Variants in DIAPH2 observed in about 807,000 individuals in gnomAD.
DIAPH2 encodes the protein protein diaphanous homolog 2.
In DIAPH2, 35 loss-of-function variants were observed where a neutral mutation model predicts 92.7. The observed-to-expected ratio is 0.38, with a 90% CI of 0.29 to 0.50. The LOEUF is 0.50. DIAPH2 is among the 20% of genes least tolerant of loss of function. DIAPH2 has a pLI of 0.94. For missense variants in DIAPH2, 701 were observed against 819.5 expected, an observed-to-expected ratio of 0.86 and a Z score of 1.77; for synonymous variants, 301 against 280.4, an observed-to-expected ratio of 1.07 and a Z score of -0.73.
rs776954997 is a variant in DIAPH2 at position 97,168,598 on chromosome X, T to C, written c.2719+26804T>C. 1.1e-4 allele frequency among the ~76,000 whole-genome samples: 12 copies of C among 111,757 alleles called. No individual in the cohort carries two copies. The South Asian group carries it at 4.6e-3, about 43-fold the overall frequency. On this transcript the variant is annotated intron_variant, in intron 22 of 26. Transcript: ENST00000324765. Reference sequence around the variant, plus strand: ...ATACATTTAAAAAAAAACCCTAGACTCTTAGAGCTTACATTCTCGAAGTGG... The same window carrying C: ...ATACATTTAAAAAAAAACCCTAGACCCTTAGAGCTTACATTCTCGAAGTGG...
chrX:97,155,075 TA>T (rs1440119821), intron 22 of DIAPH2, among the ~76,000 whole-genome samples: 3 of 112,172 alleles, frequency 2.7e-5, no homozygotes, highest in Non-Finnish European at 5.6e-5. Context: ...TGGTAAAGGT[TA>T]AAAAAATCAA....
At chrX:97,185,409 A>ATATATG (rs1569323154) in intron 22 of DIAPH2, among the ~76,000 whole-genome samples, 1 of 36,068 alleles carries the variant, frequency 2.8e-5, no homozygotes, top group African/African-American at 1.8e-4. Flanking sequence ...ATATATATAT[A>ATATATG]TGTATATATA....
intron 26 of DIAPH2, among the ~76,000 whole-genome samples, chrX:97,436,568 G>A (rs1188746512): frequency 4.5e-5 from 5 of 111,626 alleles, no homozygotes; most frequent in African/African-American, 1.6e-4. Context: ...AGAAACCTCC[G>A]TATGTATTAG....
intron 26 of DIAPH2, among the ~76,000 whole-genome samples, chrX:97,570,075 AATATAT>A (rs1164491863): frequency 0.095 from 1,142 of 12,040 alleles, 95 homozygotes; most frequent in South Asian, 0.23. Context: ...AAGGCCTTCT[AATATAT>A]ATATATATAT....
At chrX:97,472,349 A>G (rs1024118356) in intron 26 of DIAPH2, among the ~76,000 whole-genome samples, 2 of 112,590 alleles carry the variant, frequency 1.8e-5, no homozygotes, top group Admixed American at 9.4e-5. Flanking sequence ...GTGTATGCAC[A>G]TTGTTAGGAC....
At chrX:97,514,753 G>C (rs2070928178) in intron 26 of DIAPH2, among the ~76,000 whole-genome samples, 1 of 108,089 alleles carries the variant, frequency 9.3e-6, no homozygotes, top group Non-Finnish European at 1.9e-5. Context: ...CTGCAGGTCT[G>C]TTGGAGTACC....
chrX:97,443,121 G>A (rs182291692), intron 26 of DIAPH2, among the ~76,000 whole-genome samples: 2 of 111,025 alleles, frequency 1.8e-5, no homozygotes, highest in Admixed American at 9.6e-5. Context: ...TGCTGGTCTC[G>A]AACTCCTGGG....
At chrX:96,689,978 T>G (rs2063790781) in intron 1 of DIAPH2, among the ~76,000 whole-genome samples, 1 of 108,366 alleles carries the variant, frequency 9.2e-6, no homozygotes, top group Non-Finnish European at 1.9e-5. Flanking sequence ...AAATGTTTAT[T>G]TGTATGTGCC....
chrX:97,111,737 C>T (rs764839157), intron 20 of DIAPH2, among the ~76,000 whole-genome samples: 5 of 111,759 alleles, frequency 4.5e-5, no homozygotes, highest in African/African-American at 1.6e-4. Flanking sequence ...ACTTACTGCT[C>T]CTAATAAGAC....
intron 26 of DIAPH2, chrX:97,469,670 C>G (rs769730482): frequency 7.6e-6 from 9 of 1,191,181 alleles, no homozygotes; most frequent in Non-Finnish European, 1.0e-5. Flanking sequence ...AATAATTTTT[C>G]TCTTTATTTC....
chrX:97,489,972 G>T (rs2070714442), intron 26 of DIAPH2, among the ~76,000 whole-genome samples: 1 of 111,697 alleles, frequency 9.0e-6, no homozygotes, highest in Non-Finnish European at 1.9e-5. Flanking sequence ...CTCTCTTAAA[G>T]TCTTTAAAAA....
rs771615925 is a variant in DIAPH2, at chrX:97,112,401, T to G, written c.2350-2325T>G. Among the ~76,000 whole-genome samples the G allele has an allele frequency of 4.5e-5, 5 of 111,035 alleles. No individual in the cohort carries two copies. In the South Asian group the frequency reaches 1.9e-3, roughly 43 times the overall value. On this transcript the variant is annotated intron_variant, in intron 20 of 26. Transcript: ENST00000324765. ...TAAAATGATAGAAAACCTGCTTCAG[T>G]GCTAGTGATGGCCAGTTACCAGTAA...
At chrX:97,017,564 A>G (rs893287681) in intron 17 of DIAPH2, among the ~76,000 whole-genome samples, 2 of 112,082 alleles carry the variant, frequency 1.8e-5, no homozygotes, top group Non-Finnish European at 3.8e-5. Flanking sequence ...ATGAGATGAT[A>G]TAGATAAATT....
chrX:97,493,838 G>A (rs1283789557), intron 26 of DIAPH2, among the ~76,000 whole-genome samples: 1 of 108,492 alleles, frequency 9.2e-6, no homozygotes, highest in Non-Finnish European at 1.9e-5. Context: ...ATGAGCCCGA[G>A]ATTGTGCCAC....
intron 12 of DIAPH2, among the ~76,000 whole-genome samples, chrX:96,941,651 C>T (rs1455368261): frequency 9.0e-6 from 1 of 111,175 alleles, no homozygotes; most frequent in African/African-American, 3.3e-5. Context: ...CCTGTGGATG[C>T]GTAGAACCAT....
intron 4 of DIAPH2, among the ~76,000 whole-genome samples, chrX:96,873,645 T>C (rs1183296192): frequency 5.8e-5 from 4 of 68,526 alleles, no homozygotes; most frequent in Admixed American, 3.1e-4. Flanking sequence ...TGCGTATATA[T>C]ATACACACAC....
At chrX:97,183,985 C>T (rs2067560981) in intron 22 of DIAPH2, among the ~76,000 whole-genome samples, 1 of 112,211 alleles carries the variant, frequency 8.9e-6, no homozygotes, top group Non-Finnish European at 1.9e-5. Flanking sequence ...AGTGCTATAA[C>T]CCCACACCAG....
chrX:97,033,792 G>C (rs990592843), intron 17 of DIAPH2, among the ~76,000 whole-genome samples: 3 of 111,205 alleles, frequency 2.7e-5, no homozygotes, highest in African/African-American at 9.8e-5. Flanking sequence ...TCTATGTCTT[G>C]ATGATGATAA....
intron 22 of DIAPH2, among the ~76,000 whole-genome samples, chrX:97,197,071 G>A (rs1424541082): frequency 3.6e-5 from 4 of 111,192 alleles, no homozygotes; most frequent in Non-Finnish European, 3.8e-5. Flanking sequence ...CAGGTGTTAG[G>A]AAGTTTTGAG....
Sources: gnomAD v4.1 joint callset for allele counts (sites outside exome capture counted in the v4.1 genomes callset) on GRCh38, gnomAD v4.1.1 for gene constraint, MANE v1.5 for transcripts, NCBI Gene and HGNC (gene_info 2026-07-23, HGNC 2026-07-21) for gene names.